CDC42EP1: variants seen among roughly 807,000 people sequenced by gnomAD.
The protein encoded by CDC42EP1 is 55 kDa bone marrow stromal/endothelial cell protein.
Under a neutral mutation model 7.4 loss-of-function variants are expected in CDC42EP1, and 6 were observed. The observed-to-expected ratio is 0.81, with a 90% CI of 0.44 to 1.60. CDC42EP1 has a LOEUF of 1.60. Among genes scored for constraint, CDC42EP1 ranks in the 40% most tolerant of loss-of-function variants. The probability of loss-of-function intolerance (pLI) is 0.01; values close to 1 mark genes in which losing one functional copy is unlikely to be tolerated. For missense variants in CDC42EP1, 567 were observed against 539.0 expected (o/e 1.05, Z -0.51); for synonymous variants, 238 against 227.1 (o/e 1.05, Z -0.43).
rs1366689357 is a variant in CDC42EP1, at chr22:37,561,975, C to A, written c.-279+1387C>A. On this transcript the variant is annotated intron_variant, in intron 1 of 2. Coordinates refer to ENST00000249014, the MANE Select transcript of CDC42EP1 (RefSeq NM_152243.3). ...CCATTGAGTGAGCTCAGGCCATGTG[C>A]CCAGGCCCTGACTATCCTCTATAGG... is the stretch of plus-strand genomic sequence containing the variant. 2.0e-5 allele frequency among the ~76,000 whole-genome samples: 3 copies of A among 152,218 alleles called. No individual in the cohort carries two copies. The East Asian group carries it at 5.8e-4, about 29-fold the overall frequency.
In CDC42EP1 at chr22:37,560,541, G is replaced by A. The variant is rs1006222245; in HGVS notation, c.-326G>A. 3 of 150,260 alleles carry A rather than the reference G, an allele frequency of 2.0e-5. No homozygotes were observed. Among genetic ancestry groups the A allele is most frequent in the Non-Finnish European group, 3.0e-5 (2 of 67,296 alleles). 9.3% of individuals were successfully genotyped at this position (150,260 alleles called of 1,614,324 possible). ...GGGACGCGCGGCCGCCGCCGCTGCA[G>A]ACGACGAGTCCGCCCTCGTCCCGCG... On this transcript the variant is annotated 5_prime_UTR_variant, in exon 1 of 3. Transcript: ENST00000249014.
At position 37,566,625 on chromosome 22, in the gene CDC42EP1, G is replaced by A. The variant is rs956831361; in HGVS notation, c.276G>A (p.Val92=). 6.3e-7 allele frequency: 1 copy of A among 1,595,304 alleles called. No individual in the cohort carries two copies. The highest frequency in any genetic ancestry group is 1.3e-5 in the African/African-American group (1 of 74,720). ...AGAAGCTGCAGCTGGTGCGGAGGGT[G>A]GGGGCGCCCCCCCGGAGGATGGCAT... ...LAKKLQLVRR[V]GAPPRRMASP... The change falls in exon 2 of 3, where the codon GTG becomes GTA. Residue 92 remains valine, a synonymous_variant. Transcript: ENST00000249014. This position sits in a 1 kb window ranked among gnomAD's most constrained non-coding sequence, Gnocchi z 6.4.
At chr22:37,563,502 C>A (rs748741870) in intron 1 of CDC42EP1, among the ~76,000 whole-genome samples, 24 of 152,038 alleles carry the variant, frequency 1.6e-4, no homozygotes, top group Non-Finnish European at 2.6e-4. Context: ...AGTTCCCCCC[C>A]ACGAGGGGGA....
chr22:37,563,936 C>T (rs994088172), intron 1 of CDC42EP1, among the ~76,000 whole-genome samples: 1 of 152,146 alleles, frequency 6.6e-6, no homozygotes, highest in African/African-American at 2.4e-5. Context: ...AGTGCAGAGC[C>T]CAAGCTAGAT....
intron 2 of CDC42EP1, 89 bp from the exon 3 acceptor site, chr22:37,568,019 A>G: frequency 1.7e-6 from 2 of 1,167,376 alleles, no homozygotes; most frequent in Non-Finnish European, 2.5e-6. Context: ...GCCAGAGGCC[A>G]CACAGCAAGC....
chr22:37,568,897 C>T lies in CDC42EP1; in HGVS notation c.*77C>T. On this transcript the variant is annotated 3_prime_UTR_variant, in exon 3 of 3. Coordinates refer to ENST00000249014, the MANE Select transcript of CDC42EP1 (RefSeq NM_152243.3). ...ACCTAACAGCTGGTTCCTACCAGAC[C>T]GGAGAGGGGAGAAGTCATGTTGCCC... 9.7e-7 allele frequency: 1 copy of T among 1,030,564 alleles called. No homozygotes were observed. Among genetic ancestry groups the T allele is most frequent in the Non-Finnish European group, 1.3e-6 (1 of 754,554 alleles). 63.8% of individuals were successfully genotyped at this position (1,030,564 alleles called of 1,614,324 possible).
chr22:37,568,368 GCTGCAAACCCCCCAGCCACTA>G lies in CDC42EP1; in HGVS notation c.741_761del (p.Thr248_Ala254del), dbSNP rs755568564. On this transcript the variant is annotated inframe_deletion, in exon 3 of 3. Coordinates refer to ENST00000249014, the MANE Select transcript of CDC42EP1 (RefSeq NM_152243.3). ...CCCTACTGCAAACCCCACGGGTCCTGCTGCAAACCCCCCAGCCACTACTGCAAACCCCCCAGCGCCTGCTGC... is the reference window on the plus strand; with the variant it reads ...CCCTACTGCAAACCCCACGGGTCCTGCTGCAAACCCCCCAGCGCCTGCTGC... The G allele has an allele frequency of 0.016, 25,062 of 1,534,988 alleles. 307 individuals carry two copies. Among genetic ancestry groups the G allele is most frequent in the Non-Finnish European group, 0.019 (21,841 of 1,130,830 alleles).
At position 37,568,113 on chromosome 22, in the gene CDC42EP1, G is replaced by A. The variant is rs778836625; in HGVS notation, c.469G>A (p.Asp157Asn). 1 of 1,611,292 alleles carries A rather than the reference G, an allele frequency of 6.2e-7. No homozygotes were observed. The highest frequency in any genetic ancestry group is 1.1e-5 in the South Asian group (1 of 90,800). The stretch of plus-strand genomic sequence containing the variant: ...ACTGCCCATTTCTCTTCTAGGCCTG[G>A]ACTCTGGGTTCTGCACCATCTCCCG... ...STDGHSSYGL[D>N]SGFCTISRLP... Residue 157 changes from aspartate (D) to asparagine (N), a missense_variant, in exon 3 of 3, where the codon GAC becomes AAC. Coordinates refer to ENST00000249014, the MANE Select transcript of CDC42EP1 (RefSeq NM_152243.3).
chr22:37,565,185 C>CTTTTTTTTTTTTTTTTTTTTTTTTCTT, intron 1 of CDC42EP1, among the ~76,000 whole-genome samples: 1 of 90,910 alleles, frequency 1.1e-5, no homozygotes, highest in Non-Finnish European at 2.1e-5. Flanking sequence ...TTTTTTTTTC[C>CTTTTTTTTTTTTTTTTTTTTTTTTCTT]TTTTTTTTTT....
chr22:37,568,812 A>C lies in CDC42EP1; in HGVS notation c.1168A>C (p.Lys390Gln). 6.7e-7 allele frequency: 1 copy of C among 1,486,204 alleles called. No homozygotes were observed. The highest frequency in any genetic ancestry group is 9.0e-7 in the Non-Finnish European group (1 of 1,117,120). 92.1% of individuals were successfully genotyped at this position (1,486,204 alleles called of 1,614,324 possible). The change falls in exon 3 of 3, where the codon AAG becomes CAG. Residue 390 changes from lysine (K) to glutamine (Q), a missense_variant. By Grantham distance (53) the Lys-to-Gln change is moderately conservative (BLOSUM62 1). Coordinates refer to ENST00000249014, the MANE Select transcript of CDC42EP1 (RefSeq NM_152243.3). The stretch of plus-strand genomic sequence containing the variant: ...GGATGCTGAGGAGGATGATGAGGTC[A>C]AGGTGTGAGGGGCTGGGGCACGGTC... ...FADAEEDDEV[K>Q]V
intron 1 of CDC42EP1, among the ~76,000 whole-genome samples, chr22:37,561,409 G>C (rs1475095553): frequency 6.6e-6 from 1 of 152,210 alleles, no homozygotes; most frequent in East Asian, 1.9e-4. Flanking sequence ...GGGCTGGTTC[G>C]GCTCTAACTC....
In CDC42EP1 at chr22:37,566,799, C is replaced by G; in HGVS notation, c.450C>G (p.Gly150=). ...FDSSPTSSTD[G]HSSYGLDSGF... Reference sequence around the variant, plus strand: ...GCAGCCCCACCAGCTCCACGGACGGCCACTCCAGCTACGGTGAGGGCCTGG... The same window carrying G: ...GCAGCCCCACCAGCTCCACGGACGGGCACTCCAGCTACGGTGAGGGCCTGG... Residue 150 remains glycine (G), a synonymous_variant, in exon 2 of 3, where the codon GGC becomes GGG. Coordinates refer to ENST00000249014, the MANE Select transcript of CDC42EP1 (RefSeq NM_152243.3). This position sits in a 1 kb window ranked among gnomAD's most constrained non-coding sequence, Gnocchi z 6.4. The G allele has an allele frequency of 1.3e-6, 2 of 1,564,768 alleles. No individual in the cohort carries two copies. Among genetic ancestry groups the G allele is most frequent in the Non-Finnish European group, 1.7e-6 (2 of 1,156,440 alleles).
At position 37,565,021 on chromosome 22, in the gene CDC42EP1, A is replaced by G. The variant is rs191985783; in HGVS notation, c.-278-1051A>G. Among the ~76,000 whole-genome samples the G allele has an allele frequency of 1.8e-4, 28 of 151,722 alleles. 1 individual carries two copies. In the East Asian group the frequency reaches 5.4e-3, roughly 29 times the overall value. On this transcript the variant is annotated intron_variant, in intron 1 of 2. Transcript: ENST00000249014. ...TCTCTAATTCCTGACCTCGTGATCC[A>G]CCCGCCTTGGCCTCCCAAAGTGCTG... is the stretch of plus-strand genomic sequence containing the variant.
chr22:37,561,438 C>A (rs1255170123), intron 1 of CDC42EP1, among the ~76,000 whole-genome samples: 1 of 152,204 alleles, frequency 6.6e-6, no homozygotes, highest in Non-Finnish European at 1.5e-5. Context: ...GGGCACGAAG[C>A]GCGTCTCCTT....
intron 1 of CDC42EP1, among the ~76,000 whole-genome samples, chr22:37,565,338 C>T (rs1185976518): frequency 6.6e-6 from 1 of 151,748 alleles, no homozygotes; most frequent in Non-Finnish European, 1.5e-5. Context: ...CAGGCATACA[C>T]CACCACACCC....
chr22:37,564,594 T>C (rs1474528487), intron 1 of CDC42EP1: 1 of 152,424 alleles, frequency 6.6e-6, no homozygotes, highest in Non-Finnish European at 1.5e-5. Context: ...GAGATTTTAA[T>C]GCACAGAGAA....
intron 2 of CDC42EP1, 36 bp from the exon 3 acceptor site, chr22:37,568,072 C>T: frequency 6.4e-7 from 1 of 1,558,074 alleles, no homozygotes; most frequent in Non-Finnish European, 8.8e-7. Context: ...TGGTGAGGGA[C>T]CCCAGCTCTG....
rs773216227 is a variant in CDC42EP1, at chr22:37,566,555, G to T, written c.206G>T (p.Gly69Val). ...GDTSFLSNHGGSSGSTHRSPR... is the reference protein window; with the variant it reads ...GDTSFLSNHGVSSGSTHRSPR... ...ACGTCCTTCCTCAGCAACCACGGTG[G>T]CAGCTCCGGGAGCACCCATCGCTCA... The change falls in exon 2 of 3, where the codon GGC becomes GTC. Residue 69 changes from glycine (G) to valine (V), a missense_variant. By Grantham distance (109) the Gly-to-Val change is moderately radical. Coordinates refer to ENST00000249014, the MANE Select transcript of CDC42EP1 (RefSeq NM_152243.3). This position sits in a 1 kb window ranked among gnomAD's most constrained non-coding sequence, Gnocchi z 6.4. 5 of 1,608,024 alleles carry T rather than the reference G, an allele frequency of 3.1e-6. No individual in the cohort carries two copies. In the South Asian group the frequency reaches 4.4e-5, roughly 14 times the overall value.
chr22:37,563,165 A>G (rs1218933724), intron 1 of CDC42EP1, among the ~76,000 whole-genome samples: 2 of 151,898 alleles, frequency 1.3e-5, no homozygotes, highest in Non-Finnish European at 2.9e-5. Flanking sequence ...GTAAGGCCAC[A>G]TGGCAGACCC....
Sources: allele counts gnomAD v4.1 joint callset (sites outside exome capture counted in the v4.1 genomes callset), GRCh38; gene constraint gnomAD v4.1.1; non-coding constraint Gnocchi (gnomAD v3.1); transcripts MANE v1.5; gene names NCBI Gene and HGNC (gene_info 2026-07-23, HGNC 2026-07-21).